Variants in GALNT2 observed in about 807,000 individuals in gnomAD.
GALNT2 encodes polypeptide N-acetylgalactosaminyltransferase 2, also known as UDP-GalNAc:polypeptide N-acetylgalactosaminyltransferase 2.
Under a neutral mutation model 81.4 loss-of-function variants are expected in GALNT2, and 31 were observed. That is an observed-to-expected ratio of 0.38 (90% CI 0.29 to 0.51). GALNT2 has a LOEUF of 0.51. Among genes scored for constraint, GALNT2 ranks in the 20% least tolerant of loss-of-function variants. The probability of loss-of-function intolerance (pLI) is 0.87; values close to 1 mark genes in which losing one functional copy is unlikely to be tolerated. For synonymous variants in GALNT2, 303 were observed against 287.4 expected (o/e 1.05, Z -0.55); for missense variants, 629 against 765.7 (o/e 0.82, Z 2.11).
intron 14 of GALNT2, among the ~76,000 whole-genome samples, chr1:230,265,689 C>T (rs946128084): frequency 5.3e-5 from 8 of 152,216 alleles, no homozygotes; most frequent in African/African-American, 9.6e-5. Context: ...TGCACTCAAC[C>T]GCAAAGCACC....
chr1:230,105,098 C>T (rs958652326), intron 1 of GALNT2, among the ~76,000 whole-genome samples: 2 of 152,216 alleles, frequency 1.3e-5, no homozygotes, highest in African/African-American at 4.8e-5. Context: ...GGAAGGGAAG[C>T]TGCTGTGCTG....
intron 11 of GALNT2, chr1:230,258,857 C>A (rs966644847): frequency 1.3e-5 from 2 of 152,162 alleles, no homozygotes; most frequent in Admixed American, 6.5e-5. Context: ...TTGATACCTA[C>A]CAGCAAACAG....
chr1:230,258,327 T>C (rs1454414440), intron 11 of GALNT2, among the ~76,000 whole-genome samples: 2 of 151,882 alleles, frequency 1.3e-5, no homozygotes, highest in African/African-American at 4.8e-5. Context: ...CCTCCCGGAT[T>C]CAAGCGACTC....
At chr1:230,094,562 C>T (rs1394153644) in intron 1 of GALNT2, among the ~76,000 whole-genome samples, 2 of 152,186 alleles carry the variant, frequency 1.3e-5, no homozygotes, top group Admixed American at 6.5e-5. Context: ...CACTTGAACC[C>T]GGGAGGCGGA....
At chr1:230,133,942 TTATG>T (rs71733515) in intron 1 of GALNT2, among the ~76,000 whole-genome samples, 4,283 of 152,188 alleles carry the variant, frequency 0.028, 144 homozygotes, top group East Asian at 0.16. Context: ...AGACTTAACT[TTATG>T]TAGTTAAATT....
At chr1:230,227,008 G>A (rs1397346194) in intron 3 of GALNT2, among the ~76,000 whole-genome samples, 2 of 152,002 alleles carry the variant, frequency 1.3e-5, no homozygotes, top group Non-Finnish European at 2.9e-5. Flanking sequence ...TAAAAATGCT[G>A]ATTAACAAAA....
At chr1:230,160,798 C>G (rs1051522503) in intron 1 of GALNT2, among the ~76,000 whole-genome samples, 1 of 152,060 alleles carries the variant, frequency 6.6e-6, no homozygotes, top group Non-Finnish European at 1.5e-5. Context: ...TTAAAAAGCC[C>G]TGTGGATGCG....
At chr1:230,213,184 T>C (rs1273776520) in intron 3 of GALNT2, among the ~76,000 whole-genome samples, 1 of 152,210 alleles carries the variant, frequency 6.6e-6, no homozygotes, top group Non-Finnish European at 1.5e-5. Context: ...GGGAATGCAG[T>C]GATGACCATG....
At chr1:230,174,822 C>T (rs627108) in intron 1 of GALNT2, among the ~76,000 whole-genome samples, 67,234 of 152,056 alleles carry the variant, frequency 0.44, 15,739 homozygotes, top group East Asian at 0.7. Flanking sequence ...CTTCCGTGCC[C>T]TCCTGTTTTT....
At chr1:230,150,020 C>G (rs370853083) in intron 1 of GALNT2, among the ~76,000 whole-genome samples, 27 of 152,290 alleles carry the variant, frequency 1.8e-4, no homozygotes, top group African/African-American at 5.8e-4. Context: ...CTTAATTATA[C>G]CATAATAGAG....
intron 11 of GALNT2, among the ~76,000 whole-genome samples, chr1:230,258,504 C>A (rs1453964039): frequency 6.6e-6 from 1 of 152,078 alleles, no homozygotes; most frequent in African/African-American, 2.4e-5. Context: ...GGATTATAGA[C>A]GTGAGCCACC....
Position 230,275,515 on chromosome 1 carries a change from CATAT to C in GALNT2, c.1560+957_1560+960del, listed in dbSNP as rs1409888723. On this transcript the variant is annotated intron_variant, in intron 15 of 15. Transcript: ENST00000366672. The surrounding 1 kb of genome is among the most constrained non-coding windows in gnomAD (Gnocchi z 5.5). ...TACACACACACACCACAGATACATA[CATAT>C]ATATACATGCCACATAGATATACAT... Among the ~76,000 whole-genome samples, 1 of 150,470 alleles carries C rather than the reference CATAT, an allele frequency of 6.6e-6. No individual in the cohort carries two copies. The highest frequency in any genetic ancestry group is 1.5e-5 in the Non-Finnish European group (1 of 67,526).
At chr1:230,120,993 G>A (rs985340873) in intron 1 of GALNT2, among the ~76,000 whole-genome samples, 10 of 152,196 alleles carry the variant, frequency 6.6e-5, no homozygotes, top group East Asian at 1.9e-4. Flanking sequence ...ATCTTTCTCC[G>A]GATTTATTGA....
chr1:230,254,587 G>T (rs1231669361), intron 10 of GALNT2, among the ~76,000 whole-genome samples: 1 of 152,150 alleles, frequency 6.6e-6, no homozygotes, highest in Admixed American at 6.5e-5. Context: ...ACAGGGACTT[G>T]TATTTAATAA....
At chr1:230,080,158 GC>G (rs34297701) in intron 1 of GALNT2, among the ~76,000 whole-genome samples, 1 of 152,168 alleles carries the variant, frequency 6.6e-6, no homozygotes, top group South Asian at 2.1e-4. Flanking sequence ...CCTTGTACTG[GC>G]CCTGGAAGGA....
chr1:230,171,207 G>C (rs1170631475), intron 1 of GALNT2, among the ~76,000 whole-genome samples: 1 of 152,218 alleles, frequency 6.6e-6, no homozygotes, highest in Non-Finnish European at 1.5e-5. Flanking sequence ...GATCAGGGGA[G>C]GTCTTGGTCT....
chr1:230,274,415 A>G, intron 14 of GALNT2, 30 bp from the exon 15 acceptor site: 1 of 1,610,186 alleles, frequency 6.2e-7, no homozygotes, highest in South Asian at 1.1e-5. Context: ...GGTGCATAGC[A>G]CGCCTCTGAC....
Position 230,197,426 on chromosome 1 carries a change from G to A in GALNT2, c.221-5711G>A, listed in dbSNP as rs551220547. 6.6e-5 allele frequency among the ~76,000 whole-genome samples: 10 copies of A among 152,110 alleles called. No individual in the cohort carries two copies. In the East Asian group the frequency reaches 9.7e-4, roughly 15 times the overall value. ...GGGATTCCCTCTATGCTTCCTGCTC[G>A]CCCCCCCGGGGTCAGTTGCAGAGTG... On this transcript the variant is annotated intron_variant, in intron 2 of 15. Coordinates refer to ENST00000366672, the MANE Select transcript of GALNT2 (RefSeq NM_004481.5).
intron 3 of GALNT2, among the ~76,000 whole-genome samples, chr1:230,209,797 C>G (rs1664177296): frequency 6.6e-6 from 1 of 151,392 alleles, no homozygotes; most frequent in Non-Finnish European, 1.5e-5. Context: ...GCACTTCAGC[C>G]TGGGTGGCAG....
Sources: gnomAD v4.1 joint callset for allele counts (sites outside exome capture counted in the v4.1 genomes callset) on GRCh38, gnomAD v4.1.1 for gene constraint, Gnocchi (gnomAD v3.1) non-coding constraint, MANE v1.5 for transcripts, NCBI Gene and HGNC (gene_info 2026-07-23, HGNC 2026-07-21) for gene names.